Variants in MCPH1 observed in about 807,000 individuals in gnomAD.
MCPH1 encodes the protein microcephalin.
In MCPH1, 104 loss-of-function variants were observed where a neutral mutation model predicts 84.5. That is an observed-to-expected ratio of 1.23 (90% CI 1.05 to 1.45). MCPH1 has a LOEUF of 1.45. MCPH1 is among the 40% of genes most tolerant of loss of function. MCPH1 has a pLI of 0.00. For missense variants in MCPH1, 1,498 were observed against 1,005.7 expected (o/e 1.49, Z -6.62); for synonymous variants, 514 against 366.8 (o/e 1.40, Z -4.58).
Position 6,499,913 on chromosome 8 carries a change from A to G in MCPH1, c.2198A>G (p.His733Arg), listed in dbSNP as rs759315277. 1 of 1,613,678 alleles carries G rather than the reference A, an allele frequency of 6.2e-7. No homozygotes were observed. The highest frequency in any genetic ancestry group is 1.3e-5 in the African/African-American group (1 of 75,018). Residue 733 changes from histidine (H) to arginine (R), a missense_variant, in exon 12 of 14, where the codon CAC becomes CGC. Transcript: ENST00000344683. ...GAGGAGCCGTTCGAACTGTCTCACC[A>G]CTTCCCTGCAGCTCCCGTAAGTCAG... Reference protein sequence around the residue: ...ISEEPFELSHHFPAAPLCRSE... With the variant: ...ISEEPFELSHRFPAAPLCRSE...
At chr8:6,581,651 C>G (rs566648929) in intron 12 of MCPH1, among the ~76,000 whole-genome samples, 8 of 152,302 alleles carry the variant, frequency 5.3e-5, no homozygotes, top group African/African-American at 1.7e-4. Context: ...TCTTTAGTAC[C>G]TCATTTCCAT....
At chr8:6,633,462 T>C (rs1269160708) in intron 13 of MCPH1, among the ~76,000 whole-genome samples, 1 of 152,146 alleles carries the variant, frequency 6.6e-6, no homozygotes, top group Admixed American at 6.5e-5. Context: ...AGGTTGAACA[T>C]TCCTAATTTT....
rs117065062 is a variant in MCPH1, at chr8:6,512,843, A to G, written c.2214+12914A>G. 2.0e-3 allele frequency among the ~76,000 whole-genome samples: 303 copies of G among 152,348 alleles called. 9 individuals are homozygous for G. The South Asian group carries it at 0.041, about 21-fold the overall frequency. On this transcript the variant is annotated intron_variant, in intron 12 of 13. Transcript: ENST00000344683. ...GGTAAACACCCAGGGAATGCTGTGAATCTGATGTATTTCCTGTAGAGGAGA... is the reference window on the plus strand; with the variant it reads ...GGTAAACACCCAGGGAATGCTGTGAGTCTGATGTATTTCCTGTAGAGGAGA...
chr8:6,642,754 T>C (rs1257852361), intron 13 of MCPH1: 1 of 569,814 alleles, frequency 1.8e-6, no homozygotes, highest in African/African-American at 1.9e-5. Context: ...ATGGGACATG[T>C]GGCTACCAAG....
At chr8:6,430,440 C>T (rs548752436) in intron 3 of MCPH1, among the ~76,000 whole-genome samples, 1 of 152,306 alleles carries the variant, frequency 6.6e-6, no homozygotes, top group South Asian at 2.1e-4. Flanking sequence ...ATTGACTTTA[C>T]ACACCCTCAG....
chr8:6,480,556 C>A (rs1035797893), intron 10 of MCPH1, among the ~76,000 whole-genome samples, 158 bp from the exon 11 acceptor site: 1 of 152,158 alleles, frequency 6.6e-6, no homozygotes, highest in Non-Finnish European at 1.5e-5. Context: ...GGTTTCAAAG[C>A]ATTGATTATA....
chr8:6,497,305 A>G lies in MCPH1; in HGVS notation c.2137-2547A>G, dbSNP rs997588537. 8.1e-5 allele frequency among the ~76,000 whole-genome samples: 12 copies of G among 148,068 alleles called. 1 individual carries two copies. The highest frequency in any genetic ancestry group is 3.0e-4 in the African/African-American group (12 of 39,916). On this transcript the variant is annotated intron_variant, in intron 11 of 13. Coordinates refer to ENST00000344683, the MANE Select transcript of MCPH1 (RefSeq NM_024596.5). ...TGACCAGCCTGACCAACACTGTGAA[A>G]CCCCATTCTCTACCAAAAAAAAACA...
intron 2 of MCPH1, among the ~76,000 whole-genome samples, chr8:6,413,106 T>C (rs1483139754): frequency 6.6e-6 from 1 of 152,222 alleles, no homozygotes; most frequent in Non-Finnish European, 1.5e-5. Context: ...GGTAAAATTT[T>C]TGACACCATG....
chr8:6,611,114 T>A (rs955776949), intron 12 of MCPH1, among the ~76,000 whole-genome samples: 1 of 141,382 alleles, frequency 7.1e-6, no homozygotes, highest in Non-Finnish European at 1.5e-5. Context: ...ACACACACAC[T>A]CTCTCACACA....
intron 2 of MCPH1, among the ~76,000 whole-genome samples, chr8:6,410,168 G>A (rs187883700): frequency 2.0e-5 from 3 of 151,684 alleles, no homozygotes; most frequent in Admixed American, 6.6e-5. Context: ...TAAAGACGGG[G>A]TTTCACCATG....
In MCPH1 at chr8:6,454,864, G is replaced by A. The variant is rs12542157; in HGVS notation, c.1826-279G>A. On this transcript the variant is annotated intron_variant, in intron 8 of 13. Coordinates refer to ENST00000344683, the MANE Select transcript of MCPH1 (RefSeq NM_024596.5). ...TAAGTTTGACGAGTGCGTAAGGTATGGGTATACATTTTCTTACATTATCAA... is the reference window on the plus strand; with the variant it reads ...TAAGTTTGACGAGTGCGTAAGGTATAGGTATACATTTTCTTACATTATCAA... Among the ~76,000 whole-genome samples, 823 of 152,270 alleles carry A rather than the reference G, an allele frequency of 5.4e-3. 39 individuals carry two copies. The highest frequency in any genetic ancestry group is 0.051 in the Admixed American group (779 of 15,290).
intron 4 of MCPH1, among the ~76,000 whole-genome samples, chr8:6,435,782 T>C (rs1802557462): frequency 6.6e-6 from 1 of 152,156 alleles, no homozygotes; most frequent in African/African-American, 2.4e-5. Context: ...AAAACTTTCA[T>C]GGAAACTAAG....
chr8:6,549,625 G>C (rs746058989), intron 12 of MCPH1, among the ~76,000 whole-genome samples: 2 of 151,858 alleles, frequency 1.3e-5, no homozygotes, highest in Non-Finnish European at 2.9e-5. Context: ...TTACACAGGT[G>C]CGCACAGATA....
intron 12 of MCPH1, among the ~76,000 whole-genome samples, chr8:6,596,601 G>A (rs768654477): frequency 2.0e-5 from 3 of 152,094 alleles, no homozygotes; most frequent in Non-Finnish European, 2.9e-5. Flanking sequence ...GCAGGAGCTC[G>A]TGAGTATGAG....
chr8:6,594,898 A>G (rs781723978), intron 12 of MCPH1, among the ~76,000 whole-genome samples: 2 of 152,206 alleles, frequency 1.3e-5, no homozygotes, highest in Non-Finnish European at 2.9e-5. Context: ...AAGAGACATT[A>G]CTTTAGCTCC....
chr8:6,500,146 C>G (rs903047371), intron 12 of MCPH1: 12 of 543,860 alleles, frequency 2.2e-5, no homozygotes, highest in Admixed American at 1.5e-4. Flanking sequence ...GGAATGCAGT[C>G]CAAAGAAAAT....
chr8:6,420,179 C>T (rs1279775449), intron 3 of MCPH1, among the ~76,000 whole-genome samples: 1 of 152,044 alleles, frequency 6.6e-6, no homozygotes, highest in African/African-American at 2.4e-5. Context: ...CCCCCCAGAA[C>T]TGATGTTTTT....
intron 4 of MCPH1, among the ~76,000 whole-genome samples, chr8:6,432,824 G>C (rs745447775): frequency 5.3e-5 from 8 of 152,342 alleles, no homozygotes; most frequent in African/African-American, 1.7e-4. Context: ...GCAGTCTCTG[G>C]ACTCCCTGTG....
rs116419386 is a variant in MCPH1, at chr8:6,410,521, T to C, written c.114+1151T>C. Among the ~76,000 whole-genome samples, 855 of 152,340 alleles carry C rather than the reference T, an allele frequency of 5.6e-3. 6 individuals carry two copies. Among genetic ancestry groups the C allele is most frequent in the African/African-American group, 0.02 (833 of 41,590 alleles). ...TTTCTTAGTATAGCCATCTCTGTTA[T>C]CAGATTTACTATCACGTACTGCTTG... On this transcript the variant is annotated intron_variant, in intron 2 of 13. Coordinates refer to ENST00000344683, the MANE Select transcript of MCPH1 (RefSeq NM_024596.5).
Sources: gnomAD v4.1 joint callset for allele counts (sites outside exome capture counted in the v4.1 genomes callset) on GRCh38, gnomAD v4.1.1 for gene constraint, MANE v1.5 for transcripts, NCBI Gene and HGNC (gene_info 2026-07-23, HGNC 2026-07-21) for gene names.